WDFY4: variants seen among roughly 807,000 people sequenced by gnomAD.
The protein encoded by WDFY4 is WD repeat- and FYVE domain-containing protein 4.
Under a neutral mutation model 351.9 loss-of-function variants are expected in WDFY4, and 169 were observed. The observed-to-expected ratio is 0.48, with a 90% CI of 0.42 to 0.55. The LOEUF is 0.55. WDFY4 is among the 20% of genes least tolerant of loss of function. WDFY4 has a pLI of 0.00. For missense variants in WDFY4, 3,803 were observed against 3,935.6 expected, an observed-to-expected ratio of 0.97 and a Z score of 0.90; for synonymous variants, 1,622 against 1,574.6, an observed-to-expected ratio of 1.03 and a Z score of -0.71.
At position 48,743,324 on chromosome 10, in the gene WDFY4, G is replaced by A; in HGVS notation, c.2235G>A (p.Leu745=). Residue 745 remains leucine, a synonymous_variant, in exon 12 of 62, where the codon TTG becomes TTA. Transcript: ENST00000325239. ...VDTKARPFAD[L]LGTAFSSSGS... Reference sequence around the variant, plus strand: ...CAAAGGCCAGGCCATTTGCAGATTTGCTGGGCACTGCCTTTTCCTCCAGCG... The same window carrying A: ...CAAAGGCCAGGCCATTTGCAGATTTACTGGGCACTGCCTTTTCCTCCAGCG... The A allele has an allele frequency of 6.4e-7, 1 of 1,551,620 alleles. No individual in the cohort carries two copies. Among genetic ancestry groups the A allele is most frequent in the Non-Finnish European group, 8.7e-7 (1 of 1,146,934 alleles).
At chr10:48,719,215 G>A (rs1378131557) in intron 2 of WDFY4, among the ~76,000 whole-genome samples, 1 of 152,094 alleles carries the variant, frequency 6.6e-6, no homozygotes, top group Non-Finnish European at 1.5e-5. Context: ...TATATACAAA[G>A]AGCTCTTTTA....
intron 49 of WDFY4, 66 bp from the exon 50 acceptor site, chr10:48,945,974 A>C: frequency 9.2e-7 from 1 of 1,084,102 alleles, no homozygotes; most frequent in Non-Finnish European, 1.3e-6. Context: ...ATAAAACTCA[A>C]GAGCGTGGCT....
At chr10:48,890,112 T>A (rs2070630405) in intron 43 of WDFY4, among the ~76,000 whole-genome samples, 2 of 152,244 alleles carry the variant, frequency 1.3e-5, no homozygotes, top group South Asian at 4.1e-4. Context: ...TGGCAGTACC[T>A]GTCTTGCACT....
intron 20 of WDFY4, among the ~76,000 whole-genome samples, chr10:48,787,898 TTCTTCTTCTTCTTCTTCTTCTTCTTCTTC>T (rs2066500990): frequency 1.0e-4 from 3 of 29,488 alleles, no homozygotes; most frequent in African/African-American, 4.6e-4. Flanking sequence ...CTTCTCCTTC[TTCTTCTTCTTCTTCTTCTTCTTCTTCTTC>T]TTCTTCTTCT....
rs189000452 is a variant in WDFY4, at chr10:48,795,754, G to A, written c.4258-544G>A. ...AATGGATGGCTGGGCAGACTGACTC[G>A]TGTGGGGCTGCAGTCAACAGAGATG... On this transcript the variant is annotated intron_variant, in intron 23 of 61. Coordinates refer to ENST00000325239, the MANE Select transcript of WDFY4 (RefSeq NM_001394531.1). Among the ~76,000 whole-genome samples the A allele has an allele frequency of 4.3e-3, 650 of 152,048 alleles. 2 individuals are homozygous for A. The highest frequency in any genetic ancestry group is 0.015 in the African/African-American group (608 of 41,440).
chr10:48,953,943 T>C (rs1365140096), intron 51 of WDFY4, among the ~76,000 whole-genome samples: 1 of 152,254 alleles, frequency 6.6e-6, no homozygotes, highest in Non-Finnish European at 1.5e-5. Flanking sequence ...TTTCCTTTAA[T>C]ATAGAACATT....
At chr10:48,841,840 G>C (rs116031084) in intron 39 of WDFY4, among the ~76,000 whole-genome samples, 1,622 of 152,332 alleles carry the variant, frequency 0.011, 27 homozygotes, top group African/African-American at 0.037. Context: ...GCTGGGAACA[G>C]GCTACCCAAG....
At chr10:48,809,463 C>G (rs972859167) in intron 28 of WDFY4, among the ~76,000 whole-genome samples, 1 of 151,376 alleles carries the variant, frequency 6.6e-6, no homozygotes, top group Non-Finnish European at 1.5e-5. Context: ...AGCATCTTCA[C>G]CACCAGCATC....
At chr10:48,834,294 G>A (rs1337926138) in intron 39 of WDFY4, among the ~76,000 whole-genome samples, 1 of 152,100 alleles carries the variant, frequency 6.6e-6, no homozygotes, top group Non-Finnish European at 1.5e-5. Flanking sequence ...AAAGTTAAGG[G>A]CTTTTCAGTC....
At chr10:48,918,951 C>T (rs1838800863) in intron 47 of WDFY4, among the ~76,000 whole-genome samples, 1 of 152,174 alleles carries the variant, frequency 6.6e-6, no homozygotes, top group Admixed American at 6.5e-5. Flanking sequence ...TATAGAATAA[C>T]TCACTATTAC....
At chr10:48,873,205 ACCTGTTGCTTTCTGTCCATCACCAGTAG>A (rs1328604678) in intron 40 of WDFY4, among the ~76,000 whole-genome samples, 1 of 152,216 alleles carries the variant, frequency 6.6e-6, no homozygotes, top group Non-Finnish European at 1.5e-5. Flanking sequence ...GACCTTCCAG[ACCTGTTGCTTTCTGTCCATCACCAGTAG>A]CCTCATGGCT....
intron 51 of WDFY4, among the ~76,000 whole-genome samples, chr10:48,953,551 C>T (rs144649741): frequency 1.3e-5 from 2 of 152,316 alleles, no homozygotes; most frequent in East Asian, 3.9e-4. Context: ...TGGCTAAAGA[C>T]AGCAGGTTAG....
chr10:48,786,769 C>T lies in WDFY4; in HGVS notation c.3707C>T (p.Pro1236Leu). The change falls in exon 20 of 62, where the codon CCC becomes CTC. Residue 1236 changes from proline to leucine, a missense_variant. Pro to Leu is a moderately conservative substitution (Grantham distance 98, BLOSUM62 -3). Coordinates refer to ENST00000325239, the MANE Select transcript of WDFY4 (RefSeq NM_001394531.1). ...QKSSLIWRLG[P>L]TYLFEEAISM... is the part of the protein sequence containing the mutation. The stretch of plus-strand genomic sequence containing the variant: ...TCTTCATTAATCTGGCGTCTTGGCC[C>T]CACATACCTCTTTGAAGAAGCCATT... The T allele has an allele frequency of 6.4e-7, 1 of 1,552,344 alleles. No homozygotes were observed. The highest frequency in any genetic ancestry group is 1.4e-5 in the African/African-American group (1 of 73,162).
At chr10:48,752,107 A>G (rs1410091298) in intron 12 of WDFY4, among the ~76,000 whole-genome samples, 1 of 152,192 alleles carries the variant, frequency 6.6e-6, no homozygotes, top group Non-Finnish European at 1.5e-5. Context: ...AGTGTCTGCC[A>G]TCCTTGGGAT....
rs1837365462 is a variant in WDFY4, at chr10:48,901,789, C to A, written c.7524-12C>A. 2 of 1,551,426 alleles carry A rather than the reference C, an allele frequency of 1.3e-6. No individual in the cohort carries two copies. ...CTCTGCTGATGGAATTATCCCTTCC[C>A]TTTTCATGTAGCTTCTGCTCTTTCC... On this transcript the variant is annotated splice_polypyrimidine_tract_variant and intron_variant, in intron 46 of 61. Transcript: ENST00000325239.
In WDFY4 at chr10:48,873,578, G is replaced by A; in HGVS notation, c.6829G>A (p.Gly2277Arg). Residue 2277 changes from glycine to arginine, a missense_variant, in exon 41 of 62, where the codon GGG becomes AGG. By Grantham distance (125) the Gly-to-Arg change is moderately radical. This residue lies in a region of WDFY4 where 3,054 missense variants were observed against 3,148.6 expected (regional missense o/e 0.97). Coordinates refer to ENST00000325239, the MANE Select transcript of WDFY4 (RefSeq NM_001394531.1). ...TGGGGAGCTGGGCTTGTGGAGCCAG[G>A]GGGAAGAAACCAAGCCCTGTTCCCC... ...LFGELGLWSQ[G>R]EETKPCSPWE... 6.4e-7 allele frequency: 1 copy of A among 1,551,758 alleles called. No homozygotes were observed. Among genetic ancestry groups the A allele is most frequent in the Non-Finnish European group, 8.7e-7 (1 of 1,147,002 alleles).
intron 53 of WDFY4, among the ~76,000 whole-genome samples, chr10:48,963,438 G>A (rs185544441): frequency 5.3e-5 from 8 of 152,268 alleles, no homozygotes; most frequent in East Asian, 3.9e-4. Context: ...CTTAGCCTCC[G>A]CCTCCTGACA....
At chr10:48,875,451 G>A (rs1263516673) in intron 42 of WDFY4, among the ~76,000 whole-genome samples, 1 of 152,192 alleles carries the variant, frequency 6.6e-6, no homozygotes, top group Non-Finnish European at 1.5e-5. Flanking sequence ...GTCTTGTGCT[G>A]TCACCTAGGC....
chr10:48,941,676 C>T, intron 47 of WDFY4, 130 bp from the exon 48 acceptor site: 1 of 893,500 alleles, frequency 1.1e-6, no homozygotes, highest in Non-Finnish European at 1.8e-6. Context: ...GAGAGTTGCT[C>T]TGGGATTTGG....
Sources: allele counts gnomAD v4.1 joint callset (sites outside exome capture counted in the v4.1 genomes callset), GRCh38; gene constraint gnomAD v4.1.1; regional missense constraint gnomAD v4.1.1; transcripts MANE v1.5; gene names NCBI Gene and HGNC (gene_info 2026-07-23, HGNC 2026-07-21).